RBM20: variants seen among roughly 807,000 people sequenced by gnomAD.
RBM20 encodes the protein RNA-binding protein 20.
In RBM20, 51 loss-of-function variants were observed where a neutral mutation model predicts 110.1. The observed-to-expected ratio is 0.46, with a 90% confidence interval of 0.37 to 0.59. The LOEUF (loss-of-function observed/expected upper bound fraction) is 0.59. RBM20 is among the 20% of genes least tolerant of loss of function. RBM20 has a pLI of 0.00. For synonymous variants in RBM20, 589 were observed against 618.2 expected (o/e 0.95, Z 0.70); for missense variants, 1,512 against 1,574.9 (o/e 0.96, Z 0.68).
chr10:110,674,175 C>T (rs997840451), intron 1 of RBM20, among the ~76,000 whole-genome samples: 3 of 152,094 alleles, frequency 2.0e-5, no homozygotes, highest in Non-Finnish European at 4.4e-5. Flanking sequence ...ACTCAGTCTG[C>T]AAACATATTG....
Position 110,780,980 on chromosome 10 carries a change from T to C in RBM20, c.371T>C (p.Leu124Pro). The change falls in exon 2 of 14, where the codon CTC becomes CCC. Residue 124 changes from leucine (L) to proline (P), a missense_variant. Transcript: ENST00000369519. ...GCCGCCACAGTCCTGAACCAAGTCCTCTCCAAAGTGGCCATGTCCCAGCCT... is the reference window on the plus strand; with the variant it reads ...GCCGCCACAGTCCTGAACCAAGTCCCCTCCAAAGTGGCCATGTCCCAGCCT... ...TAAATVLNQV[L>P]SKVAMSQPLF... The C allele has an allele frequency of 6.4e-7, 1 of 1,551,582 alleles. No homozygotes were observed. The highest frequency in any genetic ancestry group is 8.7e-7 in the Non-Finnish European group (1 of 1,146,986).
intron 1 of RBM20, among the ~76,000 whole-genome samples, chr10:110,695,290 G>A (rs1862646444): frequency 6.6e-6 from 1 of 152,216 alleles, no homozygotes; most frequent in South Asian, 2.1e-4. Flanking sequence ...GGTGCAGAGG[G>A]CATAAATAAT....
At chr10:110,678,202 AG>A (rs1463731771) in intron 1 of RBM20, among the ~76,000 whole-genome samples, 1 of 152,248 alleles carries the variant, frequency 6.6e-6, no homozygotes, top group Non-Finnish European at 1.5e-5. Context: ...AGTACTCAAA[AG>A]TTTATCCACA....
chr10:110,757,815 G>A (rs34376649), intron 1 of RBM20, among the ~76,000 whole-genome samples: 53,006 of 151,744 alleles, frequency 0.35, 10,190 homozygotes, highest in East Asian at 0.54. Context: ...GCTCCTCATG[G>A]GGCCCATGCT....
In RBM20 at chr10:110,723,515, G is replaced by A. The variant is rs547964202; in HGVS notation, c.192-57286G>A. 3.9e-5 allele frequency among the ~76,000 whole-genome samples: 6 copies of A among 152,318 alleles called. No individual in the cohort carries two copies. The East Asian group carries it at 7.7e-4, about 20-fold the overall frequency. ...AGGAGCATCCAAACTGTTTTCCAAC[G>A]TGGCTACACCATTTTACACCAATGC... On this transcript the variant is annotated intron_variant, in intron 1 of 13. Transcript: ENST00000369519.
chr10:110,752,873 C>T (rs1843870855), intron 1 of RBM20, among the ~76,000 whole-genome samples: 1 of 146,776 alleles, frequency 6.8e-6, no homozygotes, highest in Admixed American at 6.8e-5. Flanking sequence ...TTGAGAGTTA[C>T]ATGCTCTATT....
intron 9 of RBM20, among the ~76,000 whole-genome samples, chr10:110,816,969 G>A (rs776697741): frequency 1.3e-5 from 2 of 152,218 alleles, no homozygotes; most frequent in Admixed American, 6.5e-5. Context: ...GTGCTGCTCC[G>A]TGGTGATGGG....
In RBM20 at chr10:110,823,473, T is replaced by A. The variant is rs535240729; in HGVS notation, c.3317-7T>A. The A allele has an allele frequency of 7.6e-7, 1 of 1,323,186 alleles. No homozygotes were observed. The highest frequency in any genetic ancestry group is 1.6e-5 in the African/African-American group (1 of 64,090). The allele number at this position is 1,323,186 out of a possible 1,614,324, so 82.0% of individuals were successfully genotyped here. On this transcript the variant is annotated splice_region_variant and splice_polypyrimidine_tract_variant and intron_variant, in intron 11 of 13. Transcript: ENST00000369519. Reference sequence around the variant, plus strand: ...TTTTTTTTTTTGCCTTGGTTCATGTTTTGCAGAAAACTCCAGGTACGTGGA... The same window carrying A: ...TTTTTTTTTTTGCCTTGGTTCATGTATTGCAGAAAACTCCAGGTACGTGGA...
At chr10:110,680,796 G>A (rs1402394484) in intron 1 of RBM20, among the ~76,000 whole-genome samples, 3 of 152,156 alleles carry the variant, frequency 2.0e-5, no homozygotes, top group South Asian at 2.1e-4. Context: ...GAAGACAGGT[G>A]CTTCTCGAGG....
intron 1 of RBM20, among the ~76,000 whole-genome samples, chr10:110,703,718 C>T (rs1590626842): frequency 6.6e-6 from 1 of 152,342 alleles, no homozygotes; most frequent in East Asian, 1.9e-4. Flanking sequence ...TCTTGCTTTG[C>T]CTTTTACAAC....
In RBM20 at chr10:110,676,763, C is replaced by T. The variant is rs139366713; in HGVS notation, c.191+32118C>T. Among the ~76,000 whole-genome samples, 368 of 150,196 alleles carry T rather than the reference C, an allele frequency of 2.5e-3. 1 individual carries two copies. Among genetic ancestry groups the T allele is most frequent in the Admixed American group, 5.0e-3 (74 of 14,846 alleles). On this transcript the variant is annotated intron_variant, in intron 1 of 13. Transcript: ENST00000369519. The stretch of plus-strand genomic sequence containing the variant: ...TCCCTGTATCGTTGATATAATCCAA[C>T]TTGGCTTCTTTGGAAGCAACAAATG...
At chr10:110,727,799 C>T (rs1843579512) in intron 1 of RBM20, among the ~76,000 whole-genome samples, 1 of 152,150 alleles carries the variant, frequency 6.6e-6, no homozygotes, top group African/African-American at 2.4e-5. Context: ...TTTCCCTCCC[C>T]TTGTCCCCCA....
intron 13 of RBM20, chr10:110,835,168 C>T (rs1845107771): frequency 6.6e-6 from 1 of 152,000 alleles, no homozygotes; most frequent in African/African-American, 2.4e-5. Context: ...AGATATGTTG[C>T]CTAGAGCTTG....
intron 5 of RBM20, among the ~76,000 whole-genome samples, chr10:110,793,875 G>A (rs1012634649): frequency 1.3e-5 from 2 of 152,156 alleles, no homozygotes; most frequent in Admixed American, 6.5e-5. Flanking sequence ...ATCTCAACTC[G>A]CATTTTTCAA....
Position 110,783,347 on chromosome 10 carries a change from T to C in RBM20, c.1276-19T>C. On this transcript the variant is annotated intron_variant, in intron 2 of 13. Coordinates refer to ENST00000369519, the MANE Select transcript of RBM20 (RefSeq NM_001134363.3). Reference sequence around the variant, plus strand: ...GGACTCAGTTCTACTTTGGTCACTTTTCTTTCCTTCTGACCTAGGACTGGG... The same window carrying C: ...GGACTCAGTTCTACTTTGGTCACTTCTCTTTCCTTCTGACCTAGGACTGGG... 6.5e-7 allele frequency: 1 copy of C among 1,547,594 alleles called. No individual in the cohort carries two copies. Among genetic ancestry groups the C allele is most frequent in the Non-Finnish European group, 8.7e-7 (1 of 1,143,792 alleles).
intron 11 of RBM20, 68 bp downstream of exon 11, chr10:110,822,003 A>C: frequency 3.5e-6 from 5 of 1,419,432 alleles, no homozygotes; most frequent in African/African-American, 1.4e-5. Context: ...ATAAAGTATG[A>C]GCATGTGCAG....
In RBM20 at chr10:110,812,784, C is replaced by T. The variant is rs1315217767; in HGVS notation, c.2387C>T (p.Pro796Leu). ...GCCAGGCTGCGGGAAAGCAGACACCCCCATCCGGATGACTCAGGCAAGGAA... is the reference window on the plus strand; with the variant it reads ...GCCAGGCTGCGGGAAAGCAGACACCTCCATCCGGATGACTCAGGCAAGGAA... Reference protein sequence around the residue: ...DEARLRESRHPHPDDSGKEDG... With the variant: ...DEARLRESRHLHPDDSGKEDG... Residue 796 changes from proline (P) to leucine (L), a missense_variant, in exon 9 of 14, where the codon CCC becomes CTC. By Grantham distance (98) the Pro-to-Leu change is moderately conservative (BLOSUM62 -3). This residue lies in a region of RBM20 where 1,149 missense variants were observed against 1,169.4 expected (regional missense o/e 0.98). Coordinates refer to ENST00000369519, the MANE Select transcript of RBM20 (RefSeq NM_001134363.3). 1 of 1,551,408 alleles carries T rather than the reference C, an allele frequency of 6.4e-7. No individual in the cohort carries two copies. The highest frequency in any genetic ancestry group is 8.7e-7 in the Non-Finnish European group (1 of 1,146,878).
chr10:110,718,233 A>G (rs1453165840), intron 1 of RBM20, among the ~76,000 whole-genome samples: 2 of 152,238 alleles, frequency 1.3e-5, no homozygotes, highest in African/African-American at 4.8e-5. Context: ...GAGTTTGAAT[A>G]CAAATACCTT....
rs142118497 is a variant in RBM20 at position 110,673,716 on chromosome 10, G to A, written c.191+29071G>A. 8.9e-3 allele frequency among the ~76,000 whole-genome samples: 1,348 copies of A among 152,246 alleles called. 55 individuals carry two copies. The highest frequency in any genetic ancestry group is 0.072 in the Admixed American group (1,102 of 15,280). On this transcript the variant is annotated intron_variant, in intron 1 of 13. Transcript: ENST00000369519. ...AACCTAGATGTATATTCTGCAATCTGCTTGTTTCCAACTCCCCACATTCTG... is the reference window on the plus strand; with the variant it reads ...AACCTAGATGTATATTCTGCAATCTACTTGTTTCCAACTCCCCACATTCTG...
Sources: allele counts gnomAD v4.1 joint callset (sites outside exome capture counted in the v4.1 genomes callset), GRCh38; gene constraint gnomAD v4.1.1; regional missense constraint gnomAD v4.1.1; transcripts MANE v1.5; gene names NCBI Gene and HGNC (gene_info 2026-07-23, HGNC 2026-07-21).